The following KCNT2 variants were observed in gnomAD, a reference collection of about 807,000 sequenced individuals.
The protein encoded by KCNT2 is potassium sodium-activated channel subfamily T member 2.
KCNT2 carries 67 observed loss-of-function variants against 153.8 expected under a neutral mutation model. The observed-to-expected ratio is 0.44, with a 90% CI of 0.36 to 0.53. The LOEUF is 0.53. KCNT2 is among the 20% of genes least tolerant of loss of function. The pLI is 0.00. For missense variants in KCNT2, 975 were observed against 1,354.8 expected (o/e 0.72, Z 4.40); for synonymous variants, 500 against 458.8 (o/e 1.09, Z -1.15).
chr1:196,264,741 C>T (rs1467933611), intron 25 of KCNT2, among the ~76,000 whole-genome samples: 3 of 152,182 alleles, frequency 2.0e-5, no homozygotes, highest in African/African-American at 7.2e-5. Context: ...AAGCAATCCT[C>T]CTGCCTCAGA....
At chr1:196,260,322 C>A (rs1656890454) in intron 25 of KCNT2, among the ~76,000 whole-genome samples, 2 of 151,750 alleles carry the variant, frequency 1.3e-5, no homozygotes, top group South Asian at 4.2e-4. Context: ...CATAGGGATT[C>A]ACTTCTTTTC....
chr1:196,228,589 A>C (rs1378904330), intron 27 of KCNT2, among the ~76,000 whole-genome samples: 1 of 152,002 alleles, frequency 6.6e-6, no homozygotes, highest in Non-Finnish European at 1.5e-5. Flanking sequence ...TTTCTTCTTC[A>C]TCTTTTTCCC....
At chr1:196,262,953 A>G (rs1414193782) in intron 25 of KCNT2, among the ~76,000 whole-genome samples, 1 of 152,118 alleles carries the variant, frequency 6.6e-6, no homozygotes, top group Non-Finnish European at 1.5e-5. Context: ...ATGACAAGAA[A>G]ACACAAAATT....
chr1:196,456,199 T>C (rs947473659), intron 8 of KCNT2, among the ~76,000 whole-genome samples: 5 of 152,136 alleles, frequency 3.3e-5, no homozygotes, highest in Non-Finnish European at 7.4e-5. Flanking sequence ...GCAGACTTCC[T>C]CCGGGAGTCT....
chr1:196,332,863 C>G (rs2148111872), intron 17 of KCNT2, among the ~76,000 whole-genome samples: 1 of 151,140 alleles, frequency 6.6e-6, no homozygotes, highest in Non-Finnish European at 1.5e-5. Flanking sequence ...TAGCTTACTG[C>G]AACCTCCACC....
At chr1:196,388,724 GTATAAGGAAGATCATTT>G (rs1377425950) in intron 13 of KCNT2, among the ~76,000 whole-genome samples, 1 of 151,564 alleles carries the variant, frequency 6.6e-6, no homozygotes, top group Non-Finnish European at 1.5e-5. Flanking sequence ...ATTGATTTCT[GTATAAGGAAGATCATTT>G]TGATATTCCT....
intron 12 of KCNT2, among the ~76,000 whole-genome samples, chr1:196,399,097 A>ATGTGTATGTGTG (rs1671196567): frequency 1.3e-5 from 2 of 148,824 alleles, no homozygotes; most frequent in South Asian, 4.2e-4. Context: ...ACCTGTGTGT[A>ATGTGTATGTGTG]TGTGTGTGTG....
intron 21 of KCNT2, 126 bp downstream of exon 21, chr1:196,315,765 GA>G: frequency 9.8e-6 from 8 of 820,266 alleles, no homozygotes; most frequent in South Asian, 7.3e-5. Flanking sequence ...TTTACTTTAT[GA>G]AAAAAATGAA....
At chr1:196,446,858 C>T (rs1020727460) in intron 8 of KCNT2, among the ~76,000 whole-genome samples, 2 of 151,522 alleles carry the variant, frequency 1.3e-5, no homozygotes, top group Non-Finnish European at 3.0e-5. Context: ...ACTGTGTCTT[C>T]CTTCCACTTA....
rs565465453 is a variant in KCNT2, at chr1:196,413,405, T to C, written c.1185+9645A>G. On this transcript the variant is annotated intron_variant, in intron 12 of 27. Transcript: ENST00000294725. ...TATTAAATGTCAAATGTTTGGATCC[T>C]TTTTTTCCATTTTTTATTAATTGGA... Among the ~76,000 whole-genome samples, 3 of 151,768 alleles carry C rather than the reference T, an allele frequency of 2.0e-5. No homozygotes were observed. In the East Asian group the frequency reaches 5.8e-4, roughly 30 times the overall value.
At chr1:196,586,699 A>G (rs959605705) in intron 1 of KCNT2, among the ~76,000 whole-genome samples, 6 of 148,146 alleles carry the variant, frequency 4.1e-5, no homozygotes, top group African/African-American at 1.6e-4. Context: ...GGCTACTAAC[A>G]TTAAAATCAA....
Position 196,326,727 on chromosome 1 carries a change from A to G in KCNT2, c.2266T>C (p.Leu756=), listed in dbSNP as rs115074661. 997 of 1,522,204 alleles carry G rather than the reference A, an allele frequency of 6.5e-4. 5 individuals are homozygous for G. In the African/African-American group the frequency reaches 0.014, roughly 21 times the overall value. The allele number at this position is 1,522,204 out of a possible 1,614,324, so 94.3% of individuals were successfully genotyped here. Residue 756 remains leucine (L), a synonymous_variant, in exon 19 of 28, where the codon TTG becomes CTG. Coordinates refer to ENST00000294725, the MANE Select transcript of KCNT2 (RefSeq NM_198503.5). The part of the protein sequence containing the change: ...KKELNPIVLL[L]DNPPDMHFLD... ...TTAAAATATACTTACGGGTTATCCA[A>G]TAGCAGTACTATGGGATTAAGTTCT...
intron 7 of KCNT2, 122 bp from the exon 8 acceptor site, chr1:196,465,509 T>A: frequency 1.6e-6 from 1 of 634,350 alleles, no homozygotes. Flanking sequence ...CATATGTAAA[T>A]ACATGTATTT....
At chr1:196,431,110 G>A (rs892085074) in intron 8 of KCNT2, among the ~76,000 whole-genome samples, 2 of 152,108 alleles carry the variant, frequency 1.3e-5, no homozygotes, top group Non-Finnish European at 2.9e-5. Flanking sequence ...CTTGGTGAGA[G>A]AGAAGGCTCT....
rs532678097 is a variant in KCNT2, at chr1:196,404,551, G to T, written c.1186-5880C>A. Reference sequence around the variant, plus strand: ...CAGCATTTCCCACCTAGGACCATTTGCCAAGAACATTCTTTATGGGCTCAG... The same window carrying T: ...CAGCATTTCCCACCTAGGACCATTTTCCAAGAACATTCTTTATGGGCTCAG... On this transcript the variant is annotated intron_variant, in intron 12 of 27. Transcript: ENST00000294725. Among the ~76,000 whole-genome samples, 16 of 151,504 alleles carry T rather than the reference G, an allele frequency of 1.1e-4. No homozygotes were observed. In the South Asian group the frequency reaches 3.3e-3, roughly 31 times the overall value.
chr1:196,388,035 T>A (rs932297618), intron 13 of KCNT2, among the ~76,000 whole-genome samples: 10 of 151,692 alleles, frequency 6.6e-5, no homozygotes, highest in Admixed American at 2.0e-4. Flanking sequence ...ATTTTAGATA[T>A]GTTGTAGTCT....
chr1:196,579,708 G>A (rs186748555), intron 1 of KCNT2, among the ~76,000 whole-genome samples: 1 of 151,902 alleles, frequency 6.6e-6, no homozygotes, highest in African/African-American at 2.4e-5. Context: ...GGCCAGGCTG[G>A]TCTGGAACTC....
chr1:196,484,084 T>A (rs1572606176), intron 3 of KCNT2, among the ~76,000 whole-genome samples: 1 of 152,114 alleles, frequency 6.6e-6, no homozygotes, highest in South Asian at 2.1e-4. Flanking sequence ...AAAGTTACTA[T>A]ATTGTCAAGT....
At chr1:196,543,700 AT>A (rs1376516894) in intron 1 of KCNT2, among the ~76,000 whole-genome samples, 1 of 152,182 alleles carries the variant, frequency 6.6e-6, no homozygotes, top group Non-Finnish European at 1.5e-5. Flanking sequence ...AATTAAACAC[AT>A]TACACACTTA....
Sources: allele counts gnomAD v4.1 joint callset (sites outside exome capture counted in the v4.1 genomes callset), GRCh38; gene constraint gnomAD v4.1.1; transcripts MANE v1.5; gene names NCBI Gene and HGNC (gene_info 2026-07-23, HGNC 2026-07-21).